The following SUGCT variants were observed in gnomAD, a reference collection of about 807,000 sequenced individuals.
The protein encoded by SUGCT is succinyl-CoA:glutarate CoA-transferase.
In SUGCT, 41 loss-of-function variants were observed where a neutral mutation model predicts 55.0. The observed-to-expected ratio is 0.74, with a 90% CI of 0.58 to 0.97. The LOEUF (loss-of-function observed/expected upper bound fraction) is 0.97. Among genes scored for constraint, SUGCT ranks in the 50% least tolerant of loss-of-function variants. The probability of loss-of-function intolerance (pLI) is 0.00; values close to 1 mark genes in which losing one functional copy is unlikely to be tolerated. For synonymous variants in SUGCT, 187 were observed against 200.4 expected, an observed-to-expected ratio of 0.93 and a Z score of 0.56; for missense variants, 568 against 547.8, an observed-to-expected ratio of 1.04 and a Z score of -0.37.
chr7:40,610,614 G>T (rs1169684332), intron 12 of SUGCT, among the ~76,000 whole-genome samples: 1 of 152,144 alleles, frequency 6.6e-6, no homozygotes, highest in Non-Finnish European at 1.5e-5. Flanking sequence ...ACGCGTAATG[G>T]TTCAACTTAC....
At chr7:40,834,558 A>C (rs1366138263) in intron 13 of SUGCT, among the ~76,000 whole-genome samples, 1 of 152,198 alleles carries the variant, frequency 6.6e-6, no homozygotes, top group Non-Finnish European at 1.5e-5. Context: ...TTGTGATTTT[A>C]GTCTGTAAAA....
At chr7:40,515,604 A>G (rs746352877) in intron 12 of SUGCT, among the ~76,000 whole-genome samples, 1 of 152,194 alleles carries the variant, frequency 6.6e-6, no homozygotes, top group Non-Finnish European at 1.5e-5. Flanking sequence ...TTGACTTAGA[A>G]CAATGTTTTC....
At chr7:40,554,555 T>C (rs1795461939) in intron 12 of SUGCT, among the ~76,000 whole-genome samples, 1 of 152,232 alleles carries the variant, frequency 6.6e-6, no homozygotes. Context: ...GTAATTTTAA[T>C]GACCAATGTC....
intron 9 of SUGCT, among the ~76,000 whole-genome samples, chr7:40,360,762 T>C (rs1342612324): frequency 6.6e-6 from 1 of 152,202 alleles, no homozygotes; most frequent in Non-Finnish European, 1.5e-5. Context: ...AACCATGTTA[T>C]GAAATTCAAA....
At chr7:40,317,096 AAAGT>A (rs1468803954) in intron 9 of SUGCT, among the ~76,000 whole-genome samples, 1 of 151,434 alleles carries the variant, frequency 6.6e-6, no homozygotes, top group African/African-American at 2.4e-5. Context: ...GAACTTGCTG[AAAGT>A]AAGTGCCTTT....
At chr7:40,278,200 G>T (rs535917492) in intron 8 of SUGCT, among the ~76,000 whole-genome samples, 4 of 152,242 alleles carry the variant, frequency 2.6e-5, no homozygotes, top group African/African-American at 9.6e-5. Context: ...GGCCATCAGA[G>T]AAATGCAAAT....
In SUGCT at chr7:40,144,721, C is replaced by G. The variant is rs58681548; in HGVS notation, c.100+9601C>G. 5.8e-3 allele frequency among the ~76,000 whole-genome samples: 877 copies of G among 152,282 alleles called. 7 individuals are homozygous for G. Among genetic ancestry groups the G allele is most frequent in the African/African-American group, 0.02 (816 of 41,558 alleles). On this transcript the variant is annotated intron_variant, in intron 1 of 13. Coordinates refer to ENST00000335693, the MANE Select transcript of SUGCT (RefSeq NM_001193313.2). ...TCTTTTGTTTTAAATGTGGGGACAT[C>G]AGCAGTGGACTTTATAGTCCTTGGT...
intron 12 of SUGCT, among the ~76,000 whole-genome samples, chr7:40,671,208 A>G (rs146801687): frequency 3.3e-5 from 5 of 152,342 alleles, no homozygotes; most frequent in African/African-American, 9.6e-5. Context: ...GTGGGACACC[A>G]TGGATCCATC....
chr7:40,705,193 T>A lies in SUGCT; in HGVS notation c.1090-44241T>A, dbSNP rs182474528. ...TTTTGAGTTTTTATTTTTGAGATAA[T>A]TATAGGTTTGCAGGAAGTTGCAAAA... On this transcript the variant is annotated intron_variant, in intron 12 of 13. Transcript: ENST00000335693. 2.8e-4 allele frequency among the ~76,000 whole-genome samples: 43 copies of A among 152,316 alleles called. No homozygotes were observed. The East Asian group carries it at 6.7e-3, about 24-fold the overall frequency.
At chr7:40,234,668 G>A (rs992920125) in intron 6 of SUGCT, among the ~76,000 whole-genome samples, 1 of 152,050 alleles carries the variant, frequency 6.6e-6, no homozygotes, top group Non-Finnish European at 1.5e-5. Context: ...CAGCACTTCG[G>A]GAGACTGAGG....
intron 12 of SUGCT, among the ~76,000 whole-genome samples, chr7:40,662,986 A>G (rs1390277573): frequency 6.6e-6 from 1 of 152,186 alleles, no homozygotes; most frequent in Non-Finnish European, 1.5e-5. Flanking sequence ...AGGCATTTCA[A>G]TTATAACTGA....
At chr7:40,321,745 T>G (rs1795766372) in intron 9 of SUGCT, among the ~76,000 whole-genome samples, 1 of 152,208 alleles carries the variant, frequency 6.6e-6, no homozygotes, top group Admixed American at 6.5e-5. Flanking sequence ...TCCATGTTGC[T>G]GCAAACGATA....
Position 40,848,437 on chromosome 7 carries a change from G to A in SUGCT, c.1154-11879G>A, listed in dbSNP as rs147211210. ...TCTATGGCTCGTGTTTTTCCTGGAT[G>A]TACCCTAAAGCTGGCTTAATAAACC... On this transcript the variant is annotated intron_variant, in intron 13 of 13. Transcript: ENST00000335693. Among the ~76,000 whole-genome samples, 1,054 of 152,120 alleles carry A rather than the reference G, an allele frequency of 6.9e-3. 4 individuals are homozygous for A. The highest frequency in any genetic ancestry group is 0.012 in the Non-Finnish European group (843 of 67,998).
chr7:40,701,313 C>T (rs1382041651), intron 12 of SUGCT, among the ~76,000 whole-genome samples: 1 of 152,198 alleles, frequency 6.6e-6, no homozygotes, highest in Non-Finnish European at 1.5e-5. Flanking sequence ...CAGGGCACTC[C>T]TATCTCAGCC....
At chr7:40,913,414 C>T in the SUGCT span, among the ~76,000 whole-genome samples, 2 of 152,112 alleles carry the variant, frequency 1.3e-5, no homozygotes, top group Non-Finnish European at 2.9e-5. Flanking sequence ...TCCATTAGTC[C>T]ACCCAAAGTA....
intron 12 of SUGCT, among the ~76,000 whole-genome samples, chr7:40,664,824 C>G (rs1018404402): frequency 6.6e-6 from 1 of 151,538 alleles, no homozygotes. Flanking sequence ...ATTAAAAATA[C>G]AAAAAATTAG....
intron 12 of SUGCT, among the ~76,000 whole-genome samples, chr7:40,530,730 A>G (rs770209280): frequency 3.9e-5 from 6 of 152,240 alleles, no homozygotes; most frequent in Admixed American, 6.5e-5. Context: ...TGATCAGTGA[A>G]TCCATCTCTA....
chr7:40,650,576 T>C (rs369725672), intron 12 of SUGCT, among the ~76,000 whole-genome samples: 1 of 152,272 alleles, frequency 6.6e-6, no homozygotes, highest in Non-Finnish European at 1.5e-5. Context: ...CATGGACATG[T>C]TTTAGCCAAC....
intron 13 of SUGCT, among the ~76,000 whole-genome samples, chr7:40,817,519 C>G (rs1791737059): frequency 1.3e-5 from 2 of 152,140 alleles, no homozygotes; most frequent in South Asian, 4.1e-4. Flanking sequence ...ATTATATCAA[C>G]TATTGATGGA....
Sources: gnomAD v4.1 joint callset for allele counts (sites outside exome capture counted in the v4.1 genomes callset) on GRCh38, gnomAD v4.1.1 for gene constraint, MANE v1.5 for transcripts, NCBI Gene and HGNC (gene_info 2026-07-23, HGNC 2026-07-21) for gene names.